PDE4D: variants seen among roughly 807,000 people sequenced by gnomAD.
PDE4D encodes 3',5'-cyclic-AMP phosphodiesterase 4D.
In PDE4D, 24 loss-of-function variants were observed where a neutral mutation model predicts 87.4. The observed-to-expected ratio is 0.27, with a 90% confidence interval of 0.20 to 0.39. PDE4D has a LOEUF of 0.39. Ranked by LOEUF, PDE4D falls within the 10% of genes least tolerant of loss-of-function variation. The pLI, the probability that PDE4D is intolerant of heterozygous loss-of-function variation, is 1.00. For missense variants in PDE4D, 714 were observed against 1,041.0 expected (o/e 0.69, Z 4.32); for synonymous variants, 384 against 383.2 (o/e 1.00, Z -0.02).
intron 6 of PDE4D, among the ~76,000 whole-genome samples, chr5:59,023,047 C>A (rs1371758947): frequency 6.6e-6 from 1 of 151,694 alleles, no homozygotes; most frequent in East Asian, 1.9e-4. Context: ...TGGTGGCAGG[C>A]GCCTGTAATC....
intron 1 of PDE4D, among the ~76,000 whole-genome samples, chr5:59,549,704 A>C (rs993617609): frequency 2.0e-5 from 3 of 152,210 alleles, no homozygotes; most frequent in East Asian, 3.9e-4. Context: ...CTCCACAGCA[A>C]AACAGGCATT....
chr5:59,396,753 G>A (rs1488770821), intron 1 of PDE4D, among the ~76,000 whole-genome samples: 5 of 117,760 alleles, frequency 4.2e-5, no homozygotes, highest in Non-Finnish European at 1.8e-5. Context: ...AAATGTAAAT[G>A]GACTAAATGC....
intron 1 of PDE4D, among the ~76,000 whole-genome samples, chr5:59,779,918 G>A (rs774359871): frequency 1.9e-4 from 29 of 152,114 alleles, no homozygotes; most frequent in Non-Finnish European, 3.5e-4. Context: ...CTCCAAAGTA[G>A]ATTATTCAAT....
intron 5 of PDE4D, among the ~76,000 whole-genome samples, chr5:59,098,873 C>T (rs1194734023): frequency 2.0e-5 from 3 of 152,112 alleles, no homozygotes; most frequent in African/African-American, 7.2e-5. Flanking sequence ...ATTTAGGTTA[C>T]AAGATGGCTA....
At chr5:59,304,692 T>C (rs1414069979) in intron 1 of PDE4D, among the ~76,000 whole-genome samples, 1 of 152,176 alleles carries the variant, frequency 6.6e-6, no homozygotes, top group African/African-American at 2.4e-5. Flanking sequence ...ATGTGGTGTA[T>C]CACATTTATT....
At chr5:59,420,181 G>T (rs748160700) in intron 1 of PDE4D, among the ~76,000 whole-genome samples, 1 of 152,230 alleles carries the variant, frequency 6.6e-6, no homozygotes, top group Admixed American at 6.5e-5. Context: ...GTCACAGTAC[G>T]TGTAAAATTT....
At chr5:59,848,218 G>A (rs1744148923) in intron 1 of PDE4D, among the ~76,000 whole-genome samples, 1 of 151,962 alleles carries the variant, frequency 6.6e-6, no homozygotes, top group African/African-American at 2.4e-5. Context: ...TTATGCCTTT[G>A]GGATATCTGA....
rs1741757650 is a variant in PDE4D, at chr5:60,200,303, A to T, written c.-89-14616T>A. On this transcript the variant is annotated intron_variant, in intron 1 of 16. Transcript: ENST00000502484. ...CATGGCTAGTAAGTATAAATCCAGG[A>T]TATGTATGTTTTCTCCTGCACCCAG... is the stretch of plus-strand genomic sequence containing the variant. Among the ~76,000 whole-genome samples, 4 of 151,666 alleles carry T rather than the reference A, an allele frequency of 2.6e-5. 1 individual carries two copies. Among genetic ancestry groups the T allele is most frequent in the Non-Finnish European group, 4.4e-5 (3 of 67,754 alleles).
chr5:60,002,749 C>A (rs1561966896), intron 2 of PDE4D, among the ~76,000 whole-genome samples: 2 of 152,078 alleles, frequency 1.3e-5, no homozygotes, highest in Non-Finnish European at 2.9e-5. Context: ...AAACTCTCAA[C>A]AAATTAGGAA....
chr5:59,970,151 T>C (rs937836977), intron 3 of PDE4D, among the ~76,000 whole-genome samples: 6 of 151,982 alleles, frequency 3.9e-5, no homozygotes, highest in African/African-American at 9.7e-5. Flanking sequence ...TGTTCCAGTA[T>C]TAAAAGAGAA....
chr5:59,279,097 T>C (rs532785732), intron 1 of PDE4D, among the ~76,000 whole-genome samples: 43 of 152,286 alleles, frequency 2.8e-4, no homozygotes, highest in Non-Finnish European at 2.1e-4. Context: ...GTTCTCTAAA[T>C]TCCTATTTTC....
intron 1 of PDE4D, among the ~76,000 whole-genome samples, chr5:59,741,366 C>G (rs1256934776): frequency 6.6e-6 from 1 of 151,960 alleles, no homozygotes; most frequent in Admixed American, 6.6e-5. Context: ...TTTTTAAAAC[C>G]CTTCGTCCAG....
chr5:59,647,747 T>C (rs1008481525), intron 1 of PDE4D, among the ~76,000 whole-genome samples: 1 of 152,146 alleles, frequency 6.6e-6, no homozygotes, highest in African/African-American at 2.4e-5. Flanking sequence ...GTGTTCACAT[T>C]TAAAACCTCA....
intron 1 of PDE4D, among the ~76,000 whole-genome samples, chr5:59,260,718 C>CA (rs1235882244): frequency 2.7e-5 from 4 of 149,384 alleles, no homozygotes; most frequent in East Asian, 2.0e-4. Context: ...AGTGAAAAAC[C>CA]AAAAAAAACA....
At chr5:59,442,851 T>C (rs1797845747) in intron 1 of PDE4D, among the ~76,000 whole-genome samples, 1 of 152,198 alleles carries the variant, frequency 6.6e-6, no homozygotes, top group South Asian at 2.1e-4. Flanking sequence ...GCTAAGAGTA[T>C]ATCATTTATA....
intron 2 of PDE4D, among the ~76,000 whole-genome samples, chr5:60,003,245 T>C (rs190336984): frequency 1.2e-4 from 18 of 152,304 alleles, no homozygotes; most frequent in Admixed American, 3.9e-4. Flanking sequence ...AATGAAAATA[T>C]ATCCCATATT....
At chr5:59,558,879 T>C (rs1819448537) in intron 1 of PDE4D, 1 of 152,196 alleles carries the variant, frequency 6.6e-6, no homozygotes, top group African/African-American at 2.4e-5. Context: ...GAATGTCCAA[T>C]TTTAGAAGTA....
chr5:60,092,627 C>T (rs1169737746), intron 2 of PDE4D, among the ~76,000 whole-genome samples: 1 of 150,028 alleles, frequency 6.7e-6, no homozygotes. Flanking sequence ...AGGACTTCTG[C>T]ACGCTAAAAA....
chr5:59,966,192 A>C lies in PDE4D; in HGVS notation c.272+22296T>G, dbSNP rs535850429. On this transcript the variant is annotated intron_variant, in intron 3 of 16. Coordinates refer to the PDE4D transcript ENST00000502484. The stretch of plus-strand genomic sequence containing the variant: ...AGTAAAGATTAAAGAACAGTAAAAT[A>C]ACATCTCTCTACTTGAGGATATCAC... 3.3e-5 allele frequency among the ~76,000 whole-genome samples: 5 copies of C among 152,306 alleles called. No homozygotes were observed. The South Asian group carries it at 1.0e-3, about 32-fold the overall frequency.
Sources: gnomAD v4.1 joint callset for allele counts (sites outside exome capture counted in the v4.1 genomes callset) on GRCh38, gnomAD v4.1.1 for gene constraint, MANE v1.5 for transcripts, NCBI Gene and HGNC (gene_info 2026-07-23, HGNC 2026-07-21) for gene names.